SLC43A2: variants seen among roughly 807,000 people sequenced by gnomAD.
The protein encoded by SLC43A2 is large neutral amino acids transporter small subunit 4.
In SLC43A2, 38 loss-of-function variants were observed where a neutral mutation model predicts 63.2. The ratio of observed to expected loss-of-function variants is 0.60; its 90% CI spans 0.46 to 0.79. The LOEUF (loss-of-function observed/expected upper bound fraction) is 0.79, where lower values mean the gene tolerates loss of function less well. SLC43A2 is among the 30% of genes least tolerant of loss of function. SLC43A2 has a pLI of 0.00. For missense variants in SLC43A2, 644 were observed against 756.2 expected (o/e 0.85, Z 1.74); for synonymous variants, 322 against 331.0 (o/e 0.97, Z 0.30).
chr17:1,614,675 T>C (rs1050404146), intron 4 of SLC43A2, among the ~76,000 whole-genome samples: 1 of 152,098 alleles, frequency 6.6e-6, no homozygotes, highest in East Asian at 1.9e-4. Context: ...CCGATGACCA[T>C]GCCCCTGCAG....
Position 1,604,931 on chromosome 17 carries a change from C to T in SLC43A2, c.501+8264G>A, listed in dbSNP as rs572699816. ...GCTGCGCATAATGGCTGTTCGAAGCCGCGGTGCCGGAGTGAGGGCTGAGCG... is the reference window on the plus strand; with the variant it reads ...GCTGCGCATAATGGCTGTTCGAAGCTGCGGTGCCGGAGTGAGGGCTGAGCG... On this transcript the variant is annotated intron_variant, in intron 5 of 13. Coordinates refer to ENST00000301335, the MANE Select transcript of SLC43A2 (RefSeq NM_152346.3). The T allele has an allele frequency of 2.6e-5, 40 of 1,522,248 alleles. No homozygotes were observed. The East Asian group carries it at 8.1e-4, about 31-fold the overall frequency. The allele number at this position is 1,522,248 out of a possible 1,614,324, so 94.3% of individuals were successfully genotyped here. A position where few individuals can be genotyped will look rare whatever the true frequency, so the allele number is the denominator to read the frequency against.
chr17:1,591,782 G>A (rs1345905891), intron 6 of SLC43A2, 83 bp from the exon 7 acceptor site: 13 of 1,078,214 alleles, frequency 1.2e-5, no homozygotes, highest in South Asian at 6.0e-5. Flanking sequence ...AGGCAGGGGC[G>A]TCTGGCCACC....
In SLC43A2 at chr17:1,574,932, C is replaced by G. The variant is rs2075898876; in HGVS notation, c.*672G>C. ...GACAGAACGAGGGTGACAGTGAAAA[C>G]GTGTCCGCGGCATTGGCCCTCGGGG... On this transcript the variant is annotated 3_prime_UTR_variant, in exon 14 of 14. Coordinates refer to ENST00000301335, the MANE Select transcript of SLC43A2 (RefSeq NM_152346.3). The G allele has an allele frequency of 6.5e-6, 1 of 153,342 alleles. No homozygotes were observed. The highest frequency in any genetic ancestry group is 1.5e-5 in the Non-Finnish European group (1 of 68,676). The allele number at this position is 153,342 out of a possible 1,614,324, so 9.5% of individuals were successfully genotyped here. A position where few individuals can be genotyped will look rare whatever the true frequency, so the allele number is the denominator to read the frequency against.
intron 5 of SLC43A2, among the ~76,000 whole-genome samples, chr17:1,609,072 G>T (rs1204379969): frequency 6.6e-6 from 1 of 152,152 alleles, no homozygotes; most frequent in Non-Finnish European, 1.5e-5. Flanking sequence ...CACTAATAAT[G>T]AAATAAATTT....
chr17:1,613,564 T>C (rs1427366447), intron 4 of SLC43A2, among the ~76,000 whole-genome samples: 1 of 152,198 alleles, frequency 6.6e-6, no homozygotes, highest in Non-Finnish European at 1.5e-5. Context: ...GTGATCCTCC[T>C]GCCTCAGCCT....
chr17:1,627,646 G>GCCCCCCTCCCCCCCCCC, intron 2 of SLC43A2, 69 bp downstream of exon 2: 1 of 733,230 alleles, frequency 1.4e-6, no homozygotes, highest in East Asian at 3.5e-5. Flanking sequence ...CTAGGTCTTC[G>GCCCCCCTCCCCCCCCCC]CCCCCATCCC....
chr17:1,604,665 TGCCC>T (rs1567635201), intron 5 of SLC43A2: 1 of 1,474,872 alleles, frequency 6.8e-7, no homozygotes, highest in Non-Finnish European at 9.1e-7. Context: ...GATACCACAA[TGCCC>T]AGTCCCCAAC....
At position 1,583,463 on chromosome 17, in the gene SLC43A2, T is replaced by A. The variant is rs373074290; in HGVS notation, c.1218-127A>T. On this transcript the variant is annotated intron_variant, in intron 10 of 13. Transcript: ENST00000301335. The surrounding 1 kb of genome is among the most constrained non-coding windows in gnomAD (Gnocchi z 5.5). ...AAGACTCAGAAGCCACCCAGGCACG[T>A]TTTAGGGACTGTGTCGGGGCTGGAC... The A allele has an allele frequency of 6.2e-5, 93 of 1,488,402 alleles. No homozygotes were observed. The African/African-American group carries it at 1.2e-3, about 19-fold the overall frequency. 92.2% of individuals were successfully genotyped at this position (1,488,402 alleles called of 1,614,324 possible).
In SLC43A2 at chr17:1,621,765, C is replaced by T. The variant is rs112010175; in HGVS notation, c.161-4996G>A. Among the ~76,000 whole-genome samples, 1,374 of 152,298 alleles carry T rather than the reference C, an allele frequency of 9.0e-3. 18 individuals carry two copies. The highest frequency in any genetic ancestry group is 0.031 in the African/African-American group (1,304 of 41,564). On this transcript the variant is annotated intron_variant, in intron 2 of 13. Transcript: ENST00000301335. ...ACTTGCAGAAGGTCTCATGGGGGTC[C>T]CTGGGGAAGCTGGGCTTGACTCCAG...
At chr17:1,624,217 G>A (rs990677714) in intron 2 of SLC43A2, among the ~76,000 whole-genome samples, 1 of 152,176 alleles carries the variant, frequency 6.6e-6, no homozygotes, top group Non-Finnish European at 1.5e-5. Context: ...TGGGTGGATC[G>A]ACTGAGCCCA....
rs1055738435 is a variant in SLC43A2, at chr17:1,593,925, C to T, written c.502-646G>A. On this transcript the variant is annotated intron_variant, in intron 5 of 13. Transcript: ENST00000301335. This position sits in a 1 kb window ranked among gnomAD's most constrained non-coding sequence, Gnocchi z 5.3. Reference sequence around the variant, plus strand: ...TGTGAGCTCGGCTCGTTGCAACCTCCGCCTCCCTGGTTCAAGTGATTCTCC... The same window carrying T: ...TGTGAGCTCGGCTCGTTGCAACCTCTGCCTCCCTGGTTCAAGTGATTCTCC... Among the ~76,000 whole-genome samples, 10 of 152,092 alleles carry T rather than the reference C, an allele frequency of 6.6e-5. No individual in the cohort carries two copies. In the East Asian group the frequency reaches 9.6e-4, roughly 15 times the overall value.
intron 2 of SLC43A2, among the ~76,000 whole-genome samples, chr17:1,622,888 T>C (rs1908301570): frequency 6.6e-6 from 1 of 152,104 alleles, no homozygotes; most frequent in Non-Finnish European, 1.5e-5. Flanking sequence ...TACTCCAGCC[T>C]GGGCGACAGA....
intron 5 of SLC43A2, among the ~76,000 whole-genome samples, chr17:1,601,648 C>G (rs961035157): frequency 6.6e-6 from 1 of 151,800 alleles, no homozygotes; most frequent in Non-Finnish European, 1.5e-5. Context: ...GCACCGCCCT[C>G]CCGAAGGTCC....
Position 1,575,597 on chromosome 17 carries a change from G to A in SLC43A2, c.*7C>T, listed in dbSNP as rs201455100. ...GGCAGGAGACCGCAGTTCCGAGGCGGCAGCCACTACACGAAGGCCTCCTGG... is the reference window on the plus strand; with the variant it reads ...GGCAGGAGACCGCAGTTCCGAGGCGACAGCCACTACACGAAGGCCTCCTGG... On this transcript the variant is annotated 3_prime_UTR_variant, in exon 14 of 14. Transcript: ENST00000301335. 1.4e-3 allele frequency: 2,312 copies of A among 1,613,608 alleles called. 3 individuals are homozygous for A. The highest frequency in any genetic ancestry group is 1.7e-3 in the Non-Finnish European group (2,013 of 1,179,922).
At chr17:1,624,474 G>A (rs1401158551) in intron 2 of SLC43A2, among the ~76,000 whole-genome samples, 14 of 151,726 alleles carry the variant, frequency 9.2e-5, no homozygotes, top group Non-Finnish European at 1.6e-4. Context: ...AGGCCAAGGC[G>A]GGTGGATCAC....
At position 1,577,786 on chromosome 17, in the gene SLC43A2, G is replaced by T. The variant is rs2075956795; in HGVS notation, c.1424+464C>A. On this transcript the variant is annotated intron_variant, in intron 12 of 13. Transcript: ENST00000301335. This position sits in a 1 kb window ranked among gnomAD's most constrained non-coding sequence, Gnocchi z 4.9. ...GAGAAAGCTATGGCCAGAGCTGGGC[G>T]CACTGAGGCTCTGGATGGGCCCGTC... 1.3e-5 allele frequency among the ~76,000 whole-genome samples: 2 copies of T among 152,206 alleles called. No individual in the cohort carries two copies. Among genetic ancestry groups the T allele is most frequent in the Non-Finnish European group, 2.9e-5 (2 of 68,032 alleles).
chr17:1,629,593 C>T (rs982661475), upstream of SLC43A2, among the ~76,000 whole-genome samples: 1 of 152,238 alleles, frequency 6.6e-6, no homozygotes, highest in African/African-American at 2.4e-5. Context: ...GAGCTCCCCC[C>T]ATCAGACTGA....
At chr17:1,584,663 T>TA (rs55843057) in intron 10 of SLC43A2, among the ~76,000 whole-genome samples, 135,862 of 150,978 alleles carry the variant, frequency 0.9, 62,175 homozygotes, top group Non-Finnish European at 0.99. Flanking sequence ...AAATATATAT[T>TA]AAAAAAATTA....
At position 1,609,764 on chromosome 17, in the gene SLC43A2, C is replaced by T. The variant is rs1598480392; in HGVS notation, c.501+3431G>A. On this transcript the variant is annotated intron_variant, in intron 5 of 13. Transcript: ENST00000301335. ...AATAAGGCAGATCTCTAAGTACTGACAGGAAAGGATGTAAAAGATACATTA... is the reference window on the plus strand; with the variant it reads ...AATAAGGCAGATCTCTAAGTACTGATAGGAAAGGATGTAAAAGATACATTA... Among the ~76,000 whole-genome samples, 3 of 145,830 alleles carry T rather than the reference C, an allele frequency of 2.1e-5. No individual in the cohort carries two copies. The South Asian group carries it at 6.4e-4, about 31-fold the overall frequency.
Sources: allele counts gnomAD v4.1 joint callset (sites outside exome capture counted in the v4.1 genomes callset), GRCh38; gene constraint gnomAD v4.1.1; non-coding constraint Gnocchi (gnomAD v3.1); transcripts MANE v1.5; gene names NCBI Gene and HGNC (gene_info 2026-07-23, HGNC 2026-07-21).